The following ZBTB4 variants were observed in gnomAD, a reference collection of about 807,000 sequenced individuals.
The protein encoded by ZBTB4 is zinc finger and BTB domain-containing protein 4.
Under a neutral mutation model 59.8 loss-of-function variants are expected in ZBTB4, and 14 were observed. That is an observed-to-expected ratio of 0.23 (90% CI 0.15 to 0.37). ZBTB4 has a LOEUF of 0.37. Ranked by LOEUF, ZBTB4 falls within the 10% of genes least tolerant of loss-of-function variation. The probability of loss-of-function intolerance (pLI) is 1.00; values close to 1 mark genes in which losing one functional copy is unlikely to be tolerated. For missense variants in ZBTB4, 1,198 were observed against 1,380.8 expected (o/e 0.87, Z 2.10); for synonymous variants, 587 against 575.2 (o/e 1.02, Z -0.29).
chr17:7,482,759 G>A, upstream of ZBTB4: 1 of 1,612,070 alleles, frequency 6.2e-7, no homozygotes, highest in Non-Finnish European at 8.5e-7. Context: ...TGTGGGGGCA[G>A]TGGGGATCCT....
chr17:7,481,435 A>T, upstream of ZBTB4: 1 of 1,384,234 alleles, frequency 7.2e-7, no homozygotes, highest in Non-Finnish European at 9.4e-7. Flanking sequence ...CCCCACCCCC[A>T]CTCCAACCAT....
At position 7,478,119 on chromosome 17, in the gene ZBTB4, C is replaced by T. The variant is rs369037709; in HGVS notation, c.-81+1337G>A. ...CCTCTTGGGTCTGAGGCCCACACTG[C>T]CCTTGTCACGCCACCTCCCTCCCCA... is the stretch of plus-strand genomic sequence containing the variant. On this transcript the variant is annotated intron_variant, in intron 1 of 3. Transcript: ENST00000380599. 4.7e-4 allele frequency among the ~76,000 whole-genome samples: 71 copies of T among 152,102 alleles called. 1 individual carries two copies. Among genetic ancestry groups the T allele is most frequent in the Non-Finnish European group, 3.2e-4 (22 of 68,016 alleles).
chr17:7,482,975 G>A, upstream of ZBTB4: 2 of 1,612,008 alleles, frequency 1.2e-6, no homozygotes, highest in Non-Finnish European at 1.7e-6. Flanking sequence ...CCTCAGCTGT[G>A]AGAGGGAAGG....
rs571650443 is a variant in ZBTB4 at position 7,472,677 on chromosome 17, C to T, written c.-80-5350G>A. On this transcript the variant is annotated intron_variant, in intron 1 of 3. Coordinates refer to ENST00000380599, the MANE Select transcript of ZBTB4 (RefSeq NM_001128833.2). ...TTTTTTTTGAGATGAGGTCTCACTC[C>T]GTTGCCCAGGTTGGAGTGCAGTGGC... is the stretch of plus-strand genomic sequence containing the variant. Among the ~76,000 whole-genome samples the T allele has an allele frequency of 5.9e-5, 8 of 136,136 alleles. No individual in the cohort carries two copies. The South Asian group carries it at 1.7e-3, about 29-fold the overall frequency. 89.3% of individuals were successfully genotyped at this position (136,136 alleles called of 152,430 possible).
At position 7,466,556 on chromosome 17, in the gene ZBTB4, TGTG is replaced by T. The variant is rs1567687358; in HGVS notation, c.243_245del (p.Thr82del). 1 of 1,612,384 alleles carries T rather than the reference TGTG, an allele frequency of 6.2e-7. No homozygotes were observed. Among genetic ancestry groups the T allele is most frequent in the Admixed American group, 1.7e-5 (1 of 59,806 alleles). Reference sequence around the variant, plus strand: ...AAGAGGAGGAGGAGGAAGAGGCAGCTGTGGTGGTGGCAGGGTTGGGTGCGGCGC... The same window carrying T: ...AAGAGGAGGAGGAGGAAGAGGCAGCTGTGGTGGCAGGGTTGGGTGCGGCGC... On this transcript the variant is annotated inframe_deletion, in exon 3 of 4. Transcript: ENST00000380599. This position sits in a 1 kb window ranked among gnomAD's most constrained non-coding sequence, Gnocchi z 9.1.
chr17:7,463,677 C>T lies in ZBTB4; in HGVS notation c.1305G>A (p.Pro435=), dbSNP rs1469815627. The change falls in exon 4 of 4, where the codon CCG becomes CCA. Residue 435 remains proline, a synonymous_variant. Coordinates refer to ENST00000380599, the MANE Select transcript of ZBTB4 (RefSeq NM_001128833.2). The stretch of plus-strand genomic sequence containing the variant: ...TGAGGGTTGGAGAAAGGGGAGCCTC[C>T]GGGGCTCCCTGGCTGTAGGTCTTGT... ...RPYKTYSQGA[P]EAPLSPTLNT... is the part of the protein sequence containing the mutation. The T allele has an allele frequency of 6.2e-6, 10 of 1,613,632 alleles. No individual in the cohort carries two copies. The South Asian group carries it at 6.6e-5, about 11-fold the overall frequency.
chr17:7,462,829 CCCGCTGGGCTCTCGG>C lies in ZBTB4; in HGVS notation c.2138_2152del (p.Ala713_Ala717del). 6.2e-7 allele frequency: 1 copy of C among 1,603,270 alleles called. No individual in the cohort carries two copies. Among genetic ancestry groups the C allele is most frequent in the Non-Finnish European group, 8.5e-7 (1 of 1,179,752 alleles). ...GTGCCTCCGCTCTGTGCGGGCACGTCCCGCTGGGCTCTCGGCCGCTGGGGTTTCCTCCCAGCTCCT... is the reference window on the plus strand; with the variant it reads ...GTGCCTCCGCTCTGTGCGGGCACGTCCCGCTGGGGTTTCCTCCCAGCTCCT... On this transcript the variant is annotated inframe_deletion, in exon 4 of 4. Transcript: ENST00000380599. This position sits in a 1 kb window ranked among gnomAD's most constrained non-coding sequence, Gnocchi z 7.5.
intron 1 of ZBTB4, among the ~76,000 whole-genome samples, chr17:7,470,473 C>A (rs2070184045): frequency 6.6e-6 from 1 of 151,806 alleles, no homozygotes; most frequent in African/African-American, 2.4e-5. Flanking sequence ...GTGGATGGAT[C>A]ACCTGAAGTT....
intron 1 of ZBTB4, among the ~76,000 whole-genome samples, chr17:7,478,077 A>C (rs968385574): frequency 6.6e-6 from 1 of 151,982 alleles, no homozygotes; most frequent in Non-Finnish European, 1.5e-5. Flanking sequence ...ACGCACACAC[A>C]GCCTGCTTGC....
At position 7,466,437 on chromosome 17, in the gene ZBTB4, G is replaced by T. The variant is rs1326977715; in HGVS notation, c.365C>A (p.Pro122Gln). The T allele has an allele frequency of 6.2e-7, 1 of 1,613,600 alleles. No homozygotes were observed. Residue 122 changes from proline (P) to glutamine (Q), a missense_variant, in exon 3 of 4, where the codon CCA becomes CAA. By Grantham distance (76) the Pro-to-Gln change is moderately conservative. Coordinates refer to ENST00000380599, the MANE Select transcript of ZBTB4 (RefSeq NM_001128833.2). The surrounding 1 kb of genome is among the most constrained non-coding windows in gnomAD (Gnocchi z 9.1). ...TCCTGGCAACTCCAGGACCCGGGGT[G>T]GGGAAGAAGCAGGGGGAGAGGCTGG... ...PPPASPPASS[P>Q]PRVLELPGVP...
rs2070023956 is a variant in ZBTB4 at position 7,461,803 on chromosome 17, C to T, written c.*137G>A. On this transcript the variant is annotated 3_prime_UTR_variant, in exon 4 of 4. Coordinates refer to ENST00000380599, the MANE Select transcript of ZBTB4 (RefSeq NM_001128833.2). ...ACATCTCACACAAAGCAGCCTGACC[C>T]CTGAGCTCCAGGGGCCCCCAAGTCC... The T allele has an allele frequency of 3.0e-6, 2 of 664,372 alleles. No individual in the cohort carries two copies. The highest frequency in any genetic ancestry group is 5.0e-6 in the Non-Finnish European group (2 of 398,048). 41.2% of individuals were successfully genotyped at this position (664,372 alleles called of 1,614,324 possible). A position where few individuals can be genotyped will look rare whatever the true frequency, so the allele number is the denominator to read the frequency against.
chr17:7,480,420 G>A (rs2070329449), upstream of ZBTB4, among the ~76,000 whole-genome samples: 1 of 152,188 alleles, frequency 6.6e-6, no homozygotes, highest in Non-Finnish European at 1.5e-5. Context: ...ACAGCTCCTT[G>A]CCTTAAAACC....
chr17:7,482,034 C>T (rs200499501), upstream of ZBTB4: 376 of 1,612,078 alleles, frequency 2.3e-4, 2 homozygotes, highest in Middle Eastern at 3.3e-4. Context: ...ACACACCCAT[C>T]GCCGCCCTCC....
At chr17:7,480,242 C>A (rs1454409872), upstream of ZBTB4, among the ~76,000 whole-genome samples, 1 of 152,200 alleles carries the variant, frequency 6.6e-6, no homozygotes, top group East Asian at 1.9e-4. Flanking sequence ...TATACTTGAA[C>A]ATAAATGCAG....
At chr17:7,474,693 G>A (rs2070245429) in intron 1 of ZBTB4, among the ~76,000 whole-genome samples, 2 of 152,094 alleles carry the variant, frequency 1.3e-5, no homozygotes, top group Non-Finnish European at 2.9e-5. Context: ...GAGTTGGCCT[G>A]GAGATAGGGA....
chr17:7,462,672 G>A lies in ZBTB4; in HGVS notation c.2310C>T (p.Cys770=), dbSNP rs138237886. ...RPSTRFTCPH[C]AKVCKTAAAL... is the part of the protein sequence containing the mutation. ...CAGCTGCGGTCTTGCACACCTTGGC[G>A]CAGTGGGGGCAGGTAAAGCGGGTGG... is the stretch of plus-strand genomic sequence containing the variant. Residue 770 remains cysteine, a synonymous_variant, in exon 4 of 4, where the codon TGC becomes TGT. Transcript: ENST00000380599. This position sits in a 1 kb window ranked among gnomAD's most constrained non-coding sequence, Gnocchi z 7.5. The A allele has an allele frequency of 1.4e-4, 218 of 1,607,052 alleles. No individual in the cohort carries two copies. Among genetic ancestry groups the A allele is most frequent in the Non-Finnish European group, 1.2e-4 (142 of 1,179,208 alleles).
Position 7,466,647 on chromosome 17 carries a change from C to T in ZBTB4, c.155G>A (p.Ser52Asn), listed in dbSNP as rs1433673045. Residue 52 changes from serine to asparagine, a missense_variant, in exon 3 of 4, where the codon AGT becomes AAT. Transcript: ENST00000380599. The surrounding 1 kb of genome is among the most constrained non-coding windows in gnomAD (Gnocchi z 9.1). ...GAGCAGGGCCTCTCTGAAGAAGGGA[C>T]TTGAAGCAGCCAGGACGCTGCGGTG... ...PAHRSVLAAS[S>N]PFFREALLTS... 1 of 1,613,790 alleles carries T rather than the reference C, an allele frequency of 6.2e-7. No homozygotes were observed. Among genetic ancestry groups the T allele is most frequent in the South Asian group, 1.1e-5 (1 of 90,950 alleles).
rs182395738 is a variant in ZBTB4 at position 7,473,842 on chromosome 17, G to A, written c.-81+5614C>T. On this transcript the variant is annotated intron_variant, in intron 1 of 3. Transcript: ENST00000380599. ...TGGGATCATAGTGGAAAGCCACTGC[G>A]CCCAGCTCCTATTTCTTATTTATCT... 2.5e-4 allele frequency among the ~76,000 whole-genome samples: 38 copies of A among 152,224 alleles called. 1 individual carries two copies. The highest frequency in any genetic ancestry group is 1.7e-3 in the Admixed American group (26 of 15,274).
intron 1 of ZBTB4, among the ~76,000 whole-genome samples, chr17:7,469,974 C>T (rs1158728816): frequency 2.0e-5 from 3 of 151,506 alleles, no homozygotes; most frequent in Non-Finnish European, 2.9e-5. Flanking sequence ...CCCAGCTACT[C>T]GGTAGGCTGG....
Sources: allele counts gnomAD v4.1 joint callset (sites outside exome capture counted in the v4.1 genomes callset), GRCh38; gene constraint gnomAD v4.1.1; non-coding constraint Gnocchi (gnomAD v3.1); transcripts MANE v1.5; gene names NCBI Gene and HGNC (gene_info 2026-07-23, HGNC 2026-07-21).